LMBRD2: variants seen among roughly 807,000 people sequenced by gnomAD.
LMBRD2 encodes LMBR1 domain containing 2, also known as G protein-coupled receptor-associated protein LMBRD2.
In LMBRD2, 55 loss-of-function variants were observed where a neutral mutation model predicts 94.4. The observed-to-expected ratio is 0.58, with a 90% confidence interval of 0.47 to 0.73. The LOEUF (loss-of-function observed/expected upper bound fraction) is 0.73, where lower values mean the gene tolerates loss of function less well. Ranked by LOEUF, LMBRD2 falls within the 30% of genes least tolerant of loss-of-function variation. LMBRD2 has a pLI of 0.00. For missense variants in LMBRD2, 640 were observed against 831.9 expected (o/e 0.77, Z 2.84); for synonymous variants, 246 against 272.4 (o/e 0.90, Z 0.95).
intron 15 of LMBRD2, among the ~76,000 whole-genome samples, chr5:36,109,472 G>T (rs1470946199): frequency 6.6e-6 from 1 of 152,002 alleles, no homozygotes; most frequent in Non-Finnish European, 1.5e-5. Context: ...AAAAAAATGT[G>T]TGGTAATTAT....
chr5:36,145,028 T>C (rs972240406), intron 1 of LMBRD2, among the ~76,000 whole-genome samples: 3 of 152,214 alleles, frequency 2.0e-5, no homozygotes, highest in African/African-American at 4.8e-5. Context: ...TCTGATATAA[T>C]ACACATTCTT....
intron 13 of LMBRD2, among the ~76,000 whole-genome samples, chr5:36,112,555 A>G (rs1031025981): frequency 1.1e-4 from 16 of 152,176 alleles, no homozygotes; most frequent in African/African-American, 3.6e-4. Flanking sequence ...CAGAAGATCT[A>G]TTTTGTGAGT....
rs1326885462 is a variant in LMBRD2 at position 36,130,382 on chromosome 5, A to T, written c.747+5927T>A. Among the ~76,000 whole-genome samples the T allele has an allele frequency of 2.0e-5, 3 of 152,168 alleles. No individual in the cohort carries two copies. The South Asian group carries it at 6.2e-4, about 32-fold the overall frequency. Reference sequence around the variant, plus strand: ...TCAGTTTAAAATAACAGGCTATAAGATATTACTCACAAGCCTCAAGTAACC... The same window carrying T: ...TCAGTTTAAAATAACAGGCTATAAGTTATTACTCACAAGCCTCAAGTAACC... On this transcript the variant is annotated intron_variant, in intron 6 of 17. Coordinates refer to ENST00000296603, the MANE Select transcript of LMBRD2 (RefSeq NM_001007527.2).
At position 36,122,980 on chromosome 5, in the gene LMBRD2, A is replaced by C; in HGVS notation, c.823-19T>G. On this transcript the variant is annotated intron_variant, in intron 7 of 17. Transcript: ENST00000296603. ...TAGGGCACTAAAAAAAAAAAAAAGT[A>C]GATTTTTAAAAATCTTAATTGTAAA... is the stretch of plus-strand genomic sequence containing the variant. 1 of 1,462,964 alleles carries C rather than the reference A, an allele frequency of 6.8e-7. No homozygotes were observed. The highest frequency in any genetic ancestry group is 9.0e-7 in the Non-Finnish European group (1 of 1,112,470). 90.6% of individuals were successfully genotyped at this position (1,462,964 alleles called of 1,614,324 possible).
chr5:36,123,846 TG>T (rs1282184305), intron 7 of LMBRD2, among the ~76,000 whole-genome samples: 1 of 151,756 alleles, frequency 6.6e-6, no homozygotes, highest in Non-Finnish European at 1.5e-5. Context: ...GGCAGCTGAT[TG>T]TAAGATATTA....
chr5:36,103,458 T>C lies in LMBRD2; in HGVS notation c.*588A>G, dbSNP rs1032845516. 2 of 152,408 alleles carry C rather than the reference T, an allele frequency of 1.3e-5. No individual in the cohort carries two copies. The highest frequency in any genetic ancestry group is 4.8e-5 in the African/African-American group (2 of 41,410). The allele number at this position is 152,408 out of a possible 1,614,324, so 9.4% of individuals were successfully genotyped here. A position where few individuals can be genotyped will look rare whatever the true frequency, so the allele number is the denominator to read the frequency against. ...CACTTGAAGTATAATCTTAATCTTA[T>C]ACATGCAAAAATCCCCCACGAGTTT... is the stretch of plus-strand genomic sequence containing the variant. On this transcript the variant is annotated 3_prime_UTR_variant, in exon 18 of 18. Transcript: ENST00000296603.
At chr5:36,109,896 T>A in intron 15 of LMBRD2, 49 bp downstream of exon 15, 1 of 1,352,144 alleles carries the variant, frequency 7.4e-7, no homozygotes, top group East Asian at 2.3e-5. Context: ...TCTTAAGAAA[T>A]TAAATTTCAA....
At chr5:36,123,696 T>C in intron 7 of LMBRD2, among the ~76,000 whole-genome samples, 1 of 150,158 alleles carries the variant, frequency 6.7e-6, no homozygotes, top group East Asian at 1.9e-4. Flanking sequence ...TATAGTTAAG[T>C]TTATTATAAA....
chr5:36,126,754 C>CGT (rs2111881612), intron 6 of LMBRD2, among the ~76,000 whole-genome samples: 1 of 152,246 alleles, frequency 6.6e-6, no homozygotes, highest in Admixed American at 6.5e-5. Flanking sequence ...AAATACCAAA[C>CGT]AGTTTTTATA....
At chr5:36,137,508 C>G in intron 4 of LMBRD2, 67 bp from the exon 5 acceptor site, 2 of 1,046,874 alleles carry the variant, frequency 1.9e-6, no homozygotes, top group East Asian at 5.0e-5. Context: ...TCTCAAAGTG[C>G]CAGAAATATA....
chr5:36,106,194 A>G (rs1317723778), intron 16 of LMBRD2, among the ~76,000 whole-genome samples: 2 of 152,152 alleles, frequency 1.3e-5, no homozygotes, highest in African/African-American at 4.8e-5. Flanking sequence ...ATGGTAAGCA[A>G]GCATCCAAAT....
At chr5:36,108,374 T>G in intron 16 of LMBRD2, 160 bp downstream of exon 16, 1 of 455,528 alleles carries the variant, frequency 2.2e-6, no homozygotes, top group Non-Finnish European at 4.0e-6. Flanking sequence ...TCCCCATCCT[T>G]CTATATACTG....
intron 10 of LMBRD2, among the ~76,000 whole-genome samples, chr5:36,117,097 GA>G (rs1743765599): frequency 1.3e-5 from 2 of 151,866 alleles, no homozygotes; most frequent in South Asian, 4.1e-4. Flanking sequence ...TAACATCCTA[GA>G]TCCAAAAGTT....
At chr5:36,148,303 C>A (rs974045573) in intron 1 of LMBRD2, among the ~76,000 whole-genome samples, 2 of 150,720 alleles carry the variant, frequency 1.3e-5, no homozygotes, top group African/African-American at 4.9e-5. Flanking sequence ...GCTGAGTTGG[C>A]GAACCAACCA....
chr5:36,128,507 G>C (rs1744060190), intron 6 of LMBRD2, among the ~76,000 whole-genome samples: 1 of 152,126 alleles, frequency 6.6e-6, no homozygotes, highest in Non-Finnish European at 1.5e-5. Flanking sequence ...GGTCACTTAA[G>C]CTCAGGAGTT....
chr5:36,132,287 T>C (rs958221468), intron 6 of LMBRD2, among the ~76,000 whole-genome samples: 1 of 151,968 alleles, frequency 6.6e-6, no homozygotes, highest in Admixed American at 6.6e-5. Context: ...ACCAGTTATC[T>C]CCCCATATAT....
At chr5:36,122,241 T>C in intron 9 of LMBRD2, 39 bp downstream of exon 9, 1 of 1,459,530 alleles carries the variant, frequency 6.9e-7, no homozygotes, top group Non-Finnish European at 9.3e-7. Flanking sequence ...CAGAAAACTT[T>C]TCATCATTAA....
At chr5:36,126,812 A>G (rs943185511) in intron 6 of LMBRD2, among the ~76,000 whole-genome samples, 6 of 152,240 alleles carry the variant, frequency 3.9e-5, no homozygotes, top group Non-Finnish European at 8.8e-5. Context: ...ATAATTACCA[A>G]TAAAGTGATT....
At chr5:36,107,605 C>T (rs912742701) in intron 16 of LMBRD2, among the ~76,000 whole-genome samples, 2 of 152,320 alleles carry the variant, frequency 1.3e-5, no homozygotes, top group East Asian at 3.9e-4. Flanking sequence ...CCAAAGACTT[C>T]ACATTTCTCT....
Sources: gnomAD v4.1 joint callset for allele counts (sites outside exome capture counted in the v4.1 genomes callset) on GRCh38, gnomAD v4.1.1 for gene constraint, MANE v1.5 for transcripts, NCBI Gene and HGNC (gene_info 2026-07-23, HGNC 2026-07-21) for gene names.